NCKAP1: variants seen among roughly 807,000 people sequenced by gnomAD.
The protein encoded by NCKAP1 is NCK associated protein 1.
NCKAP1 carries 21 observed loss-of-function variants against 151.2 expected under a neutral mutation model. That is an observed-to-expected ratio of 0.14 (90% CI 0.10 to 0.20). The LOEUF is 0.20. Ranked by LOEUF, NCKAP1 falls within the 10% of genes least tolerant of loss-of-function variation. NCKAP1 has a pLI of 1.00. For missense variants in NCKAP1, 933 were observed against 1,352.1 expected, an observed-to-expected ratio of 0.69 and a Z score of 4.86; for synonymous variants, 484 against 451.8, an observed-to-expected ratio of 1.07 and a Z score of -0.90.
chr2:182,928,713 T>C (rs1377273796), intron 28 of NCKAP1, 70 bp downstream of exon 28: 1 of 1,085,306 alleles, frequency 9.2e-7, no homozygotes. Flanking sequence ...AGAACTTAAC[T>C]CATATTTTAT....
At chr2:182,949,719 AG>A (rs572733264) in intron 23 of NCKAP1, among the ~76,000 whole-genome samples, 58 of 152,286 alleles carry the variant, frequency 3.8e-4, no homozygotes, top group African/African-American at 1.3e-3. Context: ...GCCTGAGCCC[AG>A]GGGGGCCAAG....
intron 27 of NCKAP1, among the ~76,000 whole-genome samples, chr2:182,930,067 C>T (rs1235127650): frequency 1.3e-5 from 2 of 151,970 alleles, no homozygotes; most frequent in Non-Finnish European, 2.9e-5. Flanking sequence ...GTAATCTCCT[C>T]CATCTTAAAA....
intron 1 of NCKAP1, among the ~76,000 whole-genome samples, chr2:183,034,891 A>C (rs1699073579): frequency 6.6e-6 from 1 of 152,176 alleles, no homozygotes; most frequent in African/African-American, 2.4e-5. Flanking sequence ...CAGATGAGGA[A>C]AAGTGAAGCT....
intron 18 of NCKAP1, among the ~76,000 whole-genome samples, chr2:182,957,944 G>A (rs1254976090): frequency 6.6e-6 from 1 of 152,072 alleles, no homozygotes; most frequent in Non-Finnish European, 1.5e-5. Context: ...AATGGCCTTT[G>A]GAAAAAAACT....
intron 17 of NCKAP1, among the ~76,000 whole-genome samples, chr2:182,963,591 G>A (rs1384328843): frequency 6.6e-6 from 1 of 152,028 alleles, no homozygotes; most frequent in East Asian, 1.9e-4. Context: ...TCCATTTAGA[G>A]TACATATGAA....
In NCKAP1 at chr2:182,919,572, T is replaced by C. The variant is rs892870098; in HGVS notation, c.*6130A>G. On this transcript the variant is annotated 3_prime_UTR_variant, in exon 31 of 31. Coordinates refer to ENST00000361354, the MANE Select transcript of NCKAP1 (RefSeq NM_013436.5). ...TATATGTAACTTGGAGTGAAACTCA[T>C]GTGTTTTATACATTGAATGCTATCA... 2.0e-5 allele frequency: 3 copies of C among 152,078 alleles called. No homozygotes were observed. Among genetic ancestry groups the C allele is most frequent in the Non-Finnish European group, 2.9e-5 (2 of 68,014 alleles). 9.4% of individuals were successfully genotyped at this position (152,078 alleles called of 1,614,324 possible).
At chr2:183,012,313 G>A (rs958877532) in intron 2 of NCKAP1, among the ~76,000 whole-genome samples, 1 of 152,204 alleles carries the variant, frequency 6.6e-6, no homozygotes, top group African/African-American at 2.4e-5. Flanking sequence ...AGGCTGCTCT[G>A]AGTAGGTACC....
At chr2:182,925,872 C>T in intron 30 of NCKAP1, 54 bp from the exon 31 acceptor site, 1 of 950,602 alleles carries the variant, frequency 1.1e-6, no homozygotes, top group East Asian at 2.8e-5. Context: ...TGTTTATAAA[C>T]AAAAATCATA....
At chr2:183,024,560 G>A (rs888864160) in intron 1 of NCKAP1, among the ~76,000 whole-genome samples, 5 of 152,142 alleles carry the variant, frequency 3.3e-5, no homozygotes, top group Non-Finnish European at 5.9e-5. Context: ...CGTTTTGACC[G>A]TATCAGCAGT....
intron 26 of NCKAP1, 124 bp from the exon 27 acceptor site, chr2:182,930,912 A>T: frequency 1.4e-6 from 1 of 718,738 alleles, no homozygotes; most frequent in African/African-American, 1.8e-5. Context: ...TGAAGCAGAA[A>T]CTACAGCAAA....
intron 2 of NCKAP1, among the ~76,000 whole-genome samples, chr2:183,003,627 A>C (rs1024844192): frequency 6.6e-6 from 1 of 152,160 alleles, no homozygotes; most frequent in Non-Finnish European, 1.5e-5. Flanking sequence ...AATTAAAAAC[A>C]AGTCATGAGC....
intron 26 of NCKAP1, 90 bp downstream of exon 26, chr2:182,934,662 T>C (rs1696836433): frequency 1.4e-6 from 1 of 709,494 alleles, no homozygotes; most frequent in Non-Finnish European, 2.4e-6. Flanking sequence ...AACCTTACAG[T>C]AGTTTAGGAT....
intron 1 of NCKAP1, among the ~76,000 whole-genome samples, chr2:183,031,025 T>G (rs981869733): frequency 3.3e-5 from 5 of 152,220 alleles, no homozygotes; most frequent in African/African-American, 1.2e-4. Context: ...ATTAAGAGGC[T>G]TGATAACAAA....
chr2:182,928,244 G>C lies in NCKAP1; in HGVS notation c.3071-18C>G, dbSNP rs753817558. The stretch of plus-strand genomic sequence containing the variant: ...GCAATGCCCTGAGAAAATGCAAATA[G>C]GGTTGTGTAGACCCCAAAATAGCAA... On this transcript the variant is annotated intron_variant, in intron 28 of 30. Transcript: ENST00000361354. The C allele has an allele frequency of 1.3e-6, 2 of 1,557,056 alleles. No homozygotes were observed. Among genetic ancestry groups the C allele is most frequent in the African/African-American group, 2.7e-5 (2 of 73,130 alleles).
At chr2:183,012,972 C>T (rs1000140230) in intron 2 of NCKAP1, among the ~76,000 whole-genome samples, 4 of 151,938 alleles carry the variant, frequency 2.6e-5, no homozygotes, top group African/African-American at 9.7e-5. Flanking sequence ...ATTATAATTA[C>T]TGCCTTGCCC....
chr2:183,018,230 G>A (rs549134043), intron 2 of NCKAP1, among the ~76,000 whole-genome samples: 1 of 152,060 alleles, frequency 6.6e-6, no homozygotes, highest in Non-Finnish European at 1.5e-5. Flanking sequence ...CTGGGCAACA[G>A]AGCAAGACTC....
chr2:182,956,455 T>G lies in NCKAP1; in HGVS notation c.2153+7A>C, dbSNP rs1697329881. On this transcript the variant is annotated splice_region_variant and intron_variant, in intron 20 of 30. Coordinates refer to ENST00000361354, the MANE Select transcript of NCKAP1 (RefSeq NM_013436.5). ...AACAAACAAAAACAGTCAATATTCTTTCTTACTTGGTAAAGCGTATTTCCA... is the reference window on the plus strand; with the variant it reads ...AACAAACAAAAACAGTCAATATTCTGTCTTACTTGGTAAAGCGTATTTCCA... 1 of 1,608,594 alleles carries G rather than the reference T, an allele frequency of 6.2e-7. No homozygotes were observed. Among genetic ancestry groups the G allele is most frequent in the Non-Finnish European group, 8.5e-7 (1 of 1,177,860 alleles).
Position 183,030,985 on chromosome 2 carries a change from A to G in NCKAP1, c.108+7007T>C, listed in dbSNP as rs1416134439. 2.0e-5 allele frequency among the ~76,000 whole-genome samples: 3 copies of G among 152,220 alleles called. No individual in the cohort carries two copies. In the South Asian group the frequency reaches 6.2e-4, roughly 32 times the overall value. ...TTTCCCTCTTAGGTAGGTAAAAAGA[A>G]AAGAGAGCAATCTACTGCTAGTAAC... On this transcript the variant is annotated intron_variant, in intron 1 of 30. Transcript: ENST00000361354.
At chr2:182,941,317 C>T (rs911204810) in intron 24 of NCKAP1, among the ~76,000 whole-genome samples, 3 of 152,114 alleles carry the variant, frequency 2.0e-5, no homozygotes, top group Non-Finnish European at 4.4e-5. Context: ...TGTGATTTCA[C>T]AATATACCTC....
Sources: gnomAD v4.1 joint callset for allele counts (sites outside exome capture counted in the v4.1 genomes callset) on GRCh38, gnomAD v4.1.1 for gene constraint, MANE v1.5 for transcripts, NCBI Gene and HGNC (gene_info 2026-07-23, HGNC 2026-07-21) for gene names.